GGCX: variants seen among roughly 807,000 people sequenced by gnomAD.
The protein encoded by GGCX is vitamin K-dependent gamma-carboxylase.
In GGCX, 63 loss-of-function variants were observed where a neutral mutation model predicts 88.5. The observed-to-expected ratio is 0.71, with a 90% CI of 0.58 to 0.88. The LOEUF is 0.88. Ranked by LOEUF, GGCX falls within the 40% of genes least tolerant of loss-of-function variation. The pLI is 0.00. For missense variants in GGCX, 805 were observed against 932.9 expected (o/e 0.86, Z 1.79); for synonymous variants, 368 against 365.8 (o/e 1.01, Z -0.07).
intron 13 of GGCX, 84 bp downstream of exon 13, chr2:85,550,841 C>G: frequency 6.3e-7 from 1 of 1,576,150 alleles, no homozygotes. Flanking sequence ...ACTTCAAGTT[C>G]ATTCTTGAAT....
rs781598536 is a variant in GGCX, at chr2:85,547,039, GTGT to G, written c.*2892_*2894del. ...AGGGAGCTTGTGGACCAAGGGGATA[GTGT>G]TGTCCTGCCCAGCCTAGGGGAAAAG... is the stretch of plus-strand genomic sequence containing the variant. On this transcript the variant is annotated 3_prime_UTR_variant, in exon 15 of 15. Transcript: ENST00000233838. The G allele has an allele frequency of 2.0e-5, 3 of 152,220 alleles. No homozygotes were observed. Among genetic ancestry groups the G allele is most frequent in the African/African-American group, 7.2e-5 (3 of 41,436 alleles). The allele number at this position is 152,220 out of a possible 1,614,324, so 9.4% of individuals were successfully genotyped here. A position where few individuals can be genotyped will look rare whatever the true frequency, so the allele number is the denominator to read the frequency against.
chr2:85,561,252 C>T (rs1692441042), intron 1 of GGCX, 134 bp downstream of exon 1: 2 of 663,472 alleles, frequency 3.0e-6, no homozygotes, highest in East Asian at 5.5e-5. Flanking sequence ...GCAAATGTCT[C>T]ACAGCACGCC....
chr2:85,554,105 CTG>C (rs1558808803), intron 7 of GGCX, 36 bp downstream of exon 7: 5 of 1,550,348 alleles, frequency 3.2e-6, no homozygotes, highest in Non-Finnish European at 3.6e-6. Flanking sequence ...TCCTGCAAAA[CTG>C]TGGTTCCTGT....
At chr2:85,559,814 C>G (rs145102740) in intron 2 of GGCX, among the ~76,000 whole-genome samples, 1 of 152,138 alleles carries the variant, frequency 6.6e-6, no homozygotes, top group Admixed American at 6.5e-5. Context: ...TTCGTCAACA[C>G]CCTGGGAATA....
Position 85,550,953 on chromosome 2 carries a change from T to C in GGCX, c.1860A>G (p.Glu620=). 6.2e-7 allele frequency: 1 copy of C among 1,614,204 alleles called. No homozygotes were observed. The highest frequency in any genetic ancestry group is 8.5e-7 in the Non-Finnish European group (1 of 1,180,020). The part of the protein sequence containing the change: ...ALEQDLAYLQ[E]LKEKVENGSE... ...TTCCATTCTCCACCTTTTCCTTTAA[T>C]TCTTGCAGATATGCCAGGTCTTGCT... The change falls in exon 13 of 15, where the codon GAA becomes GAG. Residue 620 remains glutamate, a synonymous_variant. Coordinates refer to ENST00000233838, the MANE Select transcript of GGCX (RefSeq NM_000821.7).
rs1051953552 is a variant in GGCX, at chr2:85,559,451, G to A, written c.215-376C>T. ...TGGGAGGCCAGGCACGGTGGCTCAC[G>A]CCTGTAATCCCAGCACTTTAGGAGG... On this transcript the variant is annotated intron_variant, in intron 2 of 14. Coordinates refer to ENST00000233838, the MANE Select transcript of GGCX (RefSeq NM_000821.7). Among the ~76,000 whole-genome samples, 8 of 151,430 alleles carry A rather than the reference G, an allele frequency of 5.3e-5. No homozygotes were observed. The East Asian group carries it at 7.8e-4, about 15-fold the overall frequency.
At position 85,549,842 on chromosome 2, in the gene GGCX, ACTTTTGAG is replaced by A; in HGVS notation, c.*84_*91del. ...CCGCCCCCCCAAAAAAAAAAAAAAA[ACTTTTGAG>A]AATTTTTTTCAAATAAATGTCCATT... On this transcript the variant is annotated 3_prime_UTR_variant, in exon 15 of 15. Transcript: ENST00000233838. 6 of 705,970 alleles carry A rather than the reference ACTTTTGAG, an allele frequency of 8.5e-6. No homozygotes were observed. The highest frequency in any genetic ancestry group is 4.3e-5 in the East Asian group (1 of 23,486). The allele number at this position is 705,970 out of a possible 1,614,324, so 43.7% of individuals were successfully genotyped here.
chr2:85,551,734 C>G lies in GGCX; in HGVS notation c.1609+78G>C, dbSNP rs993969999. 76 of 1,558,174 alleles carry G rather than the reference C, an allele frequency of 4.9e-5. No homozygotes were observed. In the East Asian group the frequency reaches 1.6e-3, roughly 32 times the overall value. ...AGGTTTCAAAAACATTCCCTCTCCC[C>G]TCCCACCACATGGAATGTCCCTGGC... On this transcript the variant is annotated intron_variant, in intron 11 of 14. Transcript: ENST00000233838.
Position 85,552,493 on chromosome 2 carries a change from C to T in GGCX, c.1362G>A (p.Leu454=). The T allele has an allele frequency of 6.2e-7, 1 of 1,613,796 alleles. No individual in the cohort carries two copies. The highest frequency in any genetic ancestry group is 8.5e-7 in the Non-Finnish European group (1 of 1,179,706). Residue 454 remains leucine, a synonymous_variant, in exon 10 of 15, where the codon CTG becomes CTA. Transcript: ENST00000233838. ...GCTCAGTGACATTATACTTGGGAAG[C>T]AGGCGGCTCAGGCAAGTGGCATATT... is the stretch of plus-strand genomic sequence containing the variant. ...LKQYATCLSR[L]LPKYNVTEPQ... is the part of the protein sequence containing the mutation.
intron 12 of GGCX, 100 bp from the exon 13 acceptor site, chr2:85,551,172 GT>G: frequency 8.3e-7 from 1 of 1,207,368 alleles, no homozygotes; most frequent in Non-Finnish European, 1.2e-6. Flanking sequence ...ACTCAATTGT[GT>G]TTTGGAATCG....
At position 85,547,620 on chromosome 2, in the gene GGCX, A is replaced by G. The variant is rs1263306758; in HGVS notation, c.*2314T>C. The G allele has an allele frequency of 6.6e-6, 1 of 152,256 alleles. No homozygotes were observed. Among genetic ancestry groups the G allele is most frequent in the Non-Finnish European group, 1.5e-5 (1 of 68,034 alleles). 9.4% of individuals were successfully genotyped at this position (152,256 alleles called of 1,614,324 possible). ...AGTTTGGCAAACAACATAGTGGCAA[A>G]GTATCTTCTATTGTGTTACTATGAG... On this transcript the variant is annotated 3_prime_UTR_variant, in exon 15 of 15. Transcript: ENST00000233838.
rs187605466 is a variant in GGCX, at chr2:85,551,041, G to A, written c.1772C>T (p.Thr591Met). ...GTAGCAAGAAGGGCTAGGTGATGTC[G>A]TATACACCTTATGGTACTCACCAGC... is the stretch of plus-strand genomic sequence containing the variant. ...LPAGEYHKVYTTSPSPSCYMY... is the reference protein window; with the variant it reads ...LPAGEYHKVYMTSPSPSCYMY... The change falls in exon 13 of 15, where the codon ACG becomes ATG. Residue 591 changes from threonine (T) to methionine (M), a missense_variant. Transcript: ENST00000233838. The A allele has an allele frequency of 1.2e-5, 20 of 1,613,582 alleles. No homozygotes were observed. The Admixed American group carries it at 1.3e-4, about 11-fold the overall frequency.
In GGCX at chr2:85,545,926, G is replaced by A. The variant is rs1034175211; in HGVS notation, c.*4008C>T. 2.0e-5 allele frequency: 3 copies of A among 152,188 alleles called. No homozygotes were observed. Among genetic ancestry groups the A allele is most frequent in the Non-Finnish European group, 4.4e-5 (3 of 68,034 alleles). 9.4% of individuals were successfully genotyped at this position (152,188 alleles called of 1,614,324 possible). On this transcript the variant is annotated 3_prime_UTR_variant, in exon 15 of 15. Transcript: ENST00000233838. ...GCTGAAAATGCTATAAATTTCCAAAGGCTTAAATTTCATTTATGGCAGGTT... is the reference window on the plus strand; with the variant it reads ...GCTGAAAATGCTATAAATTTCCAAAAGCTTAAATTTCATTTATGGCAGGTT...
intron 6 of GGCX, 144 bp from the exon 7 acceptor site, chr2:85,554,450 G>GTTTT: frequency 6.5e-6 from 4 of 615,918 alleles, no homozygotes; most frequent in Non-Finnish European, 1.2e-5. Context: ...ACTCCTCTAG[G>GTTTT]TTGTTTGTTG....
chr2:85,555,815 C>A (rs1197921474), intron 5 of GGCX, among the ~76,000 whole-genome samples: 1 of 152,082 alleles, frequency 6.6e-6, no homozygotes, highest in African/African-American at 2.4e-5. Context: ...GAAGAATAGA[C>A]CCCATCTTCT....
Position 85,554,157 on chromosome 2 carries a change from T to C in GGCX, c.875A>G (p.Gln292Arg). 6.2e-7 allele frequency: 1 copy of C among 1,612,918 alleles called. No individual in the cohort carries two copies. The highest frequency in any genetic ancestry group is 1.1e-5 in the South Asian group (1 of 91,050). ...CAGGTACTGACCAATGCTGAAAAGC[T>C]GGGAATTCATGCAGTGGAAGTAGGA... ...FVSYFHCMNS[Q>R]LFSIGMFSYV... Residue 292 changes from glutamine to arginine, a missense_variant, in exon 7 of 15, where the codon CAG becomes CGG. Gln to Arg is a conservative substitution (Grantham distance 43). Transcript: ENST00000233838.
chr2:85,561,446 A>C lies in GGCX; in HGVS notation c.-18T>G, dbSNP rs1362833484. 2.6e-6 allele frequency: 4 copies of C among 1,556,470 alleles called. No homozygotes were observed. The highest frequency in any genetic ancestry group is 3.5e-6 in the Non-Finnish European group (4 of 1,148,578). On this transcript the variant is annotated 5_prime_UTR_variant, in exon 1 of 15. Transcript: ENST00000233838. ...ACCGCCATTGCTCTGCGGAGGAGGC[A>C]GGTGGGTCACAGCTGCCGCGTCTGA...
In GGCX at chr2:85,550,991, C is replaced by G. The variant is rs1691921340; in HGVS notation, c.1822G>C (p.Glu608Gln). The change falls in exon 13 of 15, where the codon GAG becomes CAG. Residue 608 changes from glutamate (E) to glutamine (Q), a missense_variant. Coordinates refer to ENST00000233838, the MANE Select transcript of GGCX (RefSeq NM_000821.7). ...CYMYVYVNTT[E>Q]LALEQDLAYL... is the part of the protein sequence containing the mutation. ...GCCAGGTCTTGCTCCAGTGCAAGCT[C>G]TGTAGTGTTGACATAGACGTACATG... 1.2e-6 allele frequency: 2 copies of G among 1,613,838 alleles called. No homozygotes were observed. Among genetic ancestry groups the G allele is most frequent in the Non-Finnish European group, 1.7e-6 (2 of 1,179,740 alleles).
rs1207338104 is a variant in GGCX at position 85,550,959 on chromosome 2, C to G, written c.1854G>C (p.Leu618=). The G allele has an allele frequency of 9.3e-6, 15 of 1,614,126 alleles. No individual in the cohort carries two copies. Among genetic ancestry groups the G allele is most frequent in the Non-Finnish European group, 1.2e-5 (14 of 1,179,966 alleles). The part of the protein sequence containing the change: ...ELALEQDLAY[L]QELKEKVENG... The stretch of plus-strand genomic sequence containing the variant: ...TCTCCACCTTTTCCTTTAATTCTTG[C>G]AGATATGCCAGGTCTTGCTCCAGTG... The change falls in exon 13 of 15, where the codon CTG becomes CTC. Residue 618 remains leucine (L), a synonymous_variant. Coordinates refer to ENST00000233838, the MANE Select transcript of GGCX (RefSeq NM_000821.7).
Sources: allele counts gnomAD v4.1 joint callset (sites outside exome capture counted in the v4.1 genomes callset), GRCh38; gene constraint gnomAD v4.1.1; transcripts MANE v1.5; gene names NCBI Gene and HGNC (gene_info 2026-07-23, HGNC 2026-07-21).